LRRC37A2: variants seen among roughly 807,000 people sequenced by gnomAD.
The protein encoded by LRRC37A2 is leucine-rich repeat-containing protein 37A2.
LRRC37A2 carries 9 observed loss-of-function variants against 68.8 expected under a neutral mutation model. That is an observed-to-expected ratio of 0.13 (90% CI 0.08 to 0.23). The LOEUF is 0.23. LRRC37A2 is among the 10% of genes least tolerant of loss of function. LRRC37A2 has a pLI of 1.00. For missense variants in LRRC37A2, 168 were observed against 950.4 expected (o/e 0.18, Z 10.82); for synonymous variants, 63 against 367.6 (o/e 0.17, Z 9.48).
the LRRC37A2 span, among the ~76,000 whole-genome samples, chr17:46,889,484 G>C: frequency 1.3e-5 from 2 of 152,188 alleles, no homozygotes; most frequent in African/African-American, 2.4e-5. Context: ...CCTTAGTGGA[G>C]ACCAGCCAAC....
the LRRC37A2 span, among the ~76,000 whole-genome samples, chr17:46,659,765 C>G: frequency 6.8e-6 from 1 of 145,998 alleles, no homozygotes; most frequent in Non-Finnish European, 1.5e-5. Context: ...GGACATTTAT[C>G]AAAGAATCAT....
the LRRC37A2 span, among the ~76,000 whole-genome samples, chr17:46,865,656 C>A: frequency 3.9e-5 from 6 of 152,200 alleles, no homozygotes; most frequent in African/African-American, 1.4e-4. Flanking sequence ...CACTCTGTCA[C>A]CCAGGCTGGA....
the LRRC37A2 span, among the ~76,000 whole-genome samples, chr17:46,750,219 G>A: frequency 6.6e-6 from 1 of 152,162 alleles, no homozygotes; most frequent in East Asian, 1.9e-4. Flanking sequence ...TGGGCATGGT[G>A]GTGGGCACCT....
At chr17:46,912,392 C>G in the LRRC37A2 span, among the ~76,000 whole-genome samples, 1 of 152,226 alleles carries the variant, frequency 6.6e-6, no homozygotes, top group East Asian at 1.9e-4. Context: ...TCCAGCTCCC[C>G]GATGACCTGG....
the LRRC37A2 span, chr17:46,978,883 C>T: frequency 3.9e-6 from 6 of 1,543,970 alleles, no homozygotes; most frequent in Non-Finnish European, 5.2e-6. Flanking sequence ...CAGCGGTGCG[C>T]CCCCTGGACA....
At chr17:46,958,571 T>C in the LRRC37A2 span, among the ~76,000 whole-genome samples, 2 of 152,200 alleles carry the variant, frequency 1.3e-5, no homozygotes, top group Admixed American at 6.5e-5. Context: ...TTGAGCTGCT[T>C]AGAGGCCTGG....
At chr17:46,485,989 A>C in the LRRC37A2 span, among the ~76,000 whole-genome samples, 2 of 79,598 alleles carry the variant, frequency 2.5e-5, 1 homozygote, top group African/African-American at 7.5e-5. Flanking sequence ...AAAAAAAAAA[A>C]AAAAAAAACA....
At chr17:47,023,181 G>T in the LRRC37A2 span, among the ~76,000 whole-genome samples, 3 of 152,172 alleles carry the variant, frequency 2.0e-5, no homozygotes, top group African/African-American at 7.2e-5. Context: ...TTGAACATTT[G>T]TGCTTCTTCT....
chr17:47,007,180 T>C, the LRRC37A2 span, among the ~76,000 whole-genome samples: 2 of 152,118 alleles, frequency 1.3e-5, no homozygotes, highest in African/African-American at 4.8e-5. Context: ...TTTTTTTCTT[T>C]CTCTTTTCTT....
the LRRC37A2 span, chr17:46,726,707 C>G: frequency 9.0e-7 from 1 of 1,115,078 alleles, no homozygotes; most frequent in Middle Eastern, 2.0e-4. Flanking sequence ...TATTTATAAA[C>G]TGTAAAGCAA....
At chr17:46,502,103 G>A in the LRRC37A2 span, among the ~76,000 whole-genome samples, 9 of 151,254 alleles carry the variant, frequency 6.0e-5, no homozygotes, top group East Asian at 1.9e-4. Flanking sequence ...TTTTTAGTGC[G>A]CTTTGGACCT....
chr17:46,703,704 A>C, the LRRC37A2 span, among the ~76,000 whole-genome samples: 1 of 143,602 alleles, frequency 7.0e-6, no homozygotes, highest in Admixed American at 7.0e-5. Flanking sequence ...AAAAAAAAAA[A>C]CAAAAAACAG....
At chr17:46,843,877 A>G in the LRRC37A2 span, among the ~76,000 whole-genome samples, 4 of 152,360 alleles carry the variant, frequency 2.6e-5, no homozygotes, top group South Asian at 8.3e-4. Flanking sequence ...TGACTTCATC[A>G]TCTCCTATTC....
chr17:47,000,003 T>TA, the LRRC37A2 span, among the ~76,000 whole-genome samples: 22 of 8,540 alleles, frequency 2.6e-3, no homozygotes, highest in South Asian at 0.027. Context: ...CATCTCAAAA[T>TA]AAAATAAAAT....
chr17:46,899,638 A>G, the LRRC37A2 span, among the ~76,000 whole-genome samples: 1 of 152,166 alleles, frequency 6.6e-6, no homozygotes, highest in African/African-American at 2.4e-5. Context: ...AGTGATTGCT[A>G]GTAGGTATGG....
chr17:46,903,527 T>A, the LRRC37A2 span, among the ~76,000 whole-genome samples: 2 of 152,108 alleles, frequency 1.3e-5, no homozygotes, highest in East Asian at 1.9e-4. Flanking sequence ...ATTTTCCTTC[T>A]TATTTCAGGT....
At chr17:46,962,556 G>A in the LRRC37A2 span, among the ~76,000 whole-genome samples, 8 of 152,220 alleles carry the variant, frequency 5.3e-5, no homozygotes, top group Non-Finnish European at 1.2e-4. Context: ...GAAGAAAGCT[G>A]CCATACATCA....
chr17:46,936,622 A>G, the LRRC37A2 span: 8 of 985,262 alleles, frequency 8.1e-6, no homozygotes, highest in African/African-American at 1.4e-4. Flanking sequence ...GACTGGGGCC[A>G]ATTTGTGGCT....
At chr17:46,558,681 G>C (rs1459622651), downstream of LRRC37A2, 1 of 132,268 alleles carries the variant, frequency 7.6e-6, no homozygotes, top group Non-Finnish European at 1.6e-5. Flanking sequence ...ATGAGTCACT[G>C]TGCCCCGCCA....
Sources: gnomAD v4.1 joint callset for allele counts (sites outside exome capture counted in the v4.1 genomes callset) on GRCh38, gnomAD v4.1.1 for gene constraint, MANE v1.5 for transcripts, NCBI Gene and HGNC (gene_info 2026-07-23, HGNC 2026-07-21) for gene names.